The following TUSC3 variants were observed in gnomAD, a reference collection of about 807,000 sequenced individuals.
TUSC3 encodes the protein dolichyl-diphosphooligosaccharide--protein glycosyltransferase subunit TUSC3.
TUSC3 carries 45 observed loss-of-function variants against 44.8 expected under a neutral mutation model. The observed-to-expected ratio is 1.00, with a 90% CI of 0.79 to 1.29. TUSC3 has a LOEUF of 1.29. Among genes scored for constraint, TUSC3 ranks in the 50% most tolerant of loss-of-function variants. The pLI is 0.00. For missense variants in TUSC3, 519 were observed against 437.9 expected (o/e 1.19, Z -1.65); for synonymous variants, 212 against 152.9 (o/e 1.39, Z -2.85).
chr8:15,820,943 A>G, the TUSC3 span, among the ~76,000 whole-genome samples: 2 of 152,168 alleles, frequency 1.3e-5, no homozygotes, highest in African/African-American at 4.8e-5. Context: ...AGAGGTAAAA[A>G]TTGAGTTTTA....
chr8:15,697,922 T>C (rs982768856), intron 6 of TUSC3, among the ~76,000 whole-genome samples: 1 of 152,230 alleles, frequency 6.6e-6, no homozygotes, highest in Non-Finnish European at 1.5e-5. Context: ...TAAATTACCT[T>C]ATACAGATTA....
chr8:15,456,886 A>G (rs1302567307), intron 1 of TUSC3, among the ~76,000 whole-genome samples: 3 of 152,180 alleles, frequency 2.0e-5, no homozygotes, highest in African/African-American at 4.8e-5. Flanking sequence ...TAAATAAAAT[A>G]CCAAAAGCAT....
chr8:15,651,330 C>G (rs1247824161), intron 3 of TUSC3, among the ~76,000 whole-genome samples: 1 of 151,984 alleles, frequency 6.6e-6, no homozygotes, highest in Non-Finnish European at 1.5e-5. Flanking sequence ...GTTATTTTTT[C>G]CAATGTGGCA....
the TUSC3 span, among the ~76,000 whole-genome samples, chr8:15,803,706 C>G: frequency 1.2e-4 from 18 of 152,120 alleles, no homozygotes; most frequent in Non-Finnish European, 2.5e-4. Context: ...ATGCTCTCCT[C>G]CTCTTTTGCC....
intron 3 of TUSC3, among the ~76,000 whole-genome samples, chr8:15,654,518 C>G (rs1335079292): frequency 6.6e-6 from 1 of 152,022 alleles, no homozygotes; most frequent in Non-Finnish European, 1.5e-5. Flanking sequence ...ATGATGTTTA[C>G]ACTGCATTGC....
At chr8:15,685,760 CTTTAATAGCTTAAT>C (rs1270771455) in intron 6 of TUSC3, among the ~76,000 whole-genome samples, 1 of 152,016 alleles carries the variant, frequency 6.6e-6, no homozygotes, top group Non-Finnish European at 1.5e-5. Context: ...CTGATTCTAT[CTTTAATAGCTTAAT>C]TTTCCAACTG....
intron 1 of TUSC3, among the ~76,000 whole-genome samples, chr8:15,598,281 C>G (rs1324744313): frequency 3.3e-5 from 5 of 151,944 alleles, no homozygotes; most frequent in African/African-American, 1.2e-4. Flanking sequence ...TTGCATGATA[C>G]TTTACCATTA....
At chr8:15,507,467 C>T (rs902735225) in intron 2 of TUSC3, among the ~76,000 whole-genome samples, 4 of 152,070 alleles carry the variant, frequency 2.6e-5, no homozygotes, top group African/African-American at 9.7e-5. Context: ...TGGAAAAATA[C>T]ATGGAAAAGC....
At chr8:15,825,570 T>C in the TUSC3 span, among the ~76,000 whole-genome samples, 3 of 152,116 alleles carry the variant, frequency 2.0e-5, no homozygotes, top group African/African-American at 2.4e-5. Flanking sequence ...AGCCAAACTA[T>C]ATCAGACTGG....
the TUSC3 span, among the ~76,000 whole-genome samples, chr8:15,801,355 C>G: frequency 6.6e-6 from 1 of 152,088 alleles, no homozygotes; most frequent in African/African-American, 2.4e-5. Flanking sequence ...GTAACAGGAA[C>G]AGTTTAAAGA....
intron 2 of TUSC3, among the ~76,000 whole-genome samples, chr8:15,488,524 A>G (rs77849236): frequency 6.6e-6 from 1 of 152,104 alleles, no homozygotes; most frequent in South Asian, 2.1e-4. Context: ...TTTTTTTGTC[A>G]TCTTGGTAAT....
intron 6 of TUSC3, among the ~76,000 whole-genome samples, chr8:15,730,331 TA>T (rs1057234543): frequency 3.9e-4 from 60 of 152,174 alleles, no homozygotes; most frequent in African/African-American, 1.4e-3. Context: ...TGAAAAATCA[TA>T]AAAATGTTTT....
At chr8:15,651,167 C>A in intron 3 of TUSC3, 1 of 288,878 alleles carries the variant, frequency 3.5e-6, no homozygotes, top group South Asian at 3.7e-5. Flanking sequence ...ACTTTTGCAA[C>A]ATAGAGGAAA....
chr8:15,661,673 A>C (rs1807433535), intron 4 of TUSC3, among the ~76,000 whole-genome samples: 1 of 152,032 alleles, frequency 6.6e-6, no homozygotes, highest in African/African-American at 2.4e-5. Flanking sequence ...ATGTGGATAT[A>C]GTAAGTAGTA....
chr8:15,656,520 T>G (rs1447341565), intron 3 of TUSC3, among the ~76,000 whole-genome samples: 1 of 152,202 alleles, frequency 6.6e-6, no homozygotes, highest in African/African-American at 2.4e-5. Flanking sequence ...GAGATTATTT[T>G]TTTTCATTCC....
upstream of TUSC3, among the ~76,000 whole-genome samples, chr8:15,536,309 A>G (rs1046640700): frequency 1.3e-5 from 2 of 152,198 alleles, no homozygotes; most frequent in Admixed American, 1.3e-4. Context: ...AAGATTTTGC[A>G]TTTGCTGGTG....
chr8:15,814,624 A>G, the TUSC3 span, among the ~76,000 whole-genome samples: 1 of 152,216 alleles, frequency 6.6e-6, no homozygotes, highest in Admixed American at 6.5e-5. Context: ...ATGTTCACAC[A>G]CAAATACCCG....
intron 5 of TUSC3, among the ~76,000 whole-genome samples, chr8:15,669,765 T>C (rs1001258754): frequency 6.6e-6 from 1 of 151,664 alleles, no homozygotes; most frequent in African/African-American, 2.4e-5. Context: ...CTAAAATTCC[T>C]GAGATAAGGA....
chr8:15,575,085 A>G (rs1051163925), intron 1 of TUSC3, among the ~76,000 whole-genome samples: 6 of 152,164 alleles, frequency 3.9e-5, no homozygotes, highest in Non-Finnish European at 8.8e-5. Flanking sequence ...TAATGGTTTA[A>G]AAAATATTAT....
Sources: gnomAD v4.1 joint callset for allele counts (sites outside exome capture counted in the v4.1 genomes callset) on GRCh38, gnomAD v4.1.1 for gene constraint, MANE v1.5 for transcripts, NCBI Gene and HGNC (gene_info 2026-07-23, HGNC 2026-07-21) for gene names.